The following PDE3A variants were observed in gnomAD, a reference collection of about 807,000 sequenced individuals.
PDE3A encodes phosphodiesterase 3A, also known as cGMP-inhibited 3',5'-cyclic phosphodiesterase 3A.
Under a neutral mutation model 98.3 loss-of-function variants are expected in PDE3A, and 43 were observed. That is an observed-to-expected ratio of 0.44 (90% confidence interval 0.34 to 0.56). The LOEUF is 0.56. Ranked by LOEUF, PDE3A falls within the 20% of genes least tolerant of loss-of-function variation. The pLI is 0.01. For synonymous variants in PDE3A, 663 were observed against 567.9 expected, an observed-to-expected ratio of 1.17 and a Z score of -2.38; for missense variants, 1,427 against 1,440.7, an observed-to-expected ratio of 0.99 and a Z score of 0.15.
At chr12:20,652,214 T>A (rs2121518730) in intron 14 of PDE3A, among the ~76,000 whole-genome samples, 1 of 152,330 alleles carries the variant, frequency 6.6e-6, no homozygotes, top group African/African-American at 2.4e-5. Context: ...TTGTGAATAG[T>A]GCCTCAATAA....
At chr12:20,377,421 A>G (rs1943591767) in intron 1 of PDE3A, among the ~76,000 whole-genome samples, 1 of 151,800 alleles carries the variant, frequency 6.6e-6, no homozygotes, top group Non-Finnish European at 1.5e-5. Flanking sequence ...GTGAGTCTAA[A>G]TATCTTGTGT....
intron 1 of PDE3A, among the ~76,000 whole-genome samples, chr12:20,414,068 G>A (rs76705292): frequency 6.6e-6 from 1 of 152,102 alleles, no homozygotes; most frequent in Admixed American, 6.5e-5. Flanking sequence ...AGAAAAACTG[G>A]CCAAAGAACA....
At chr12:20,599,170 G>A (rs1482159221) in intron 2 of PDE3A, among the ~76,000 whole-genome samples, 1 of 151,986 alleles carries the variant, frequency 6.6e-6, no homozygotes, top group Non-Finnish European at 1.5e-5. Context: ...TCCTTCTTAT[G>A]CAGTCCCCAC....
intron 1 of PDE3A, among the ~76,000 whole-genome samples, chr12:20,493,432 G>C (rs1296482998): frequency 6.6e-6 from 1 of 152,096 alleles, no homozygotes; most frequent in Non-Finnish European, 1.5e-5. Flanking sequence ...AAGTAATCCA[G>C]AGATGATTTA....
chr12:20,485,227 C>A (rs1945705106), intron 1 of PDE3A, among the ~76,000 whole-genome samples: 1 of 152,078 alleles, frequency 6.6e-6, no homozygotes, highest in Non-Finnish European at 1.5e-5. Flanking sequence ...TCTCTCCTAG[C>A]TTTTGGGGAC....
At chr12:20,405,732 G>T (rs1944220687) in intron 1 of PDE3A, among the ~76,000 whole-genome samples, 1 of 152,112 alleles carries the variant, frequency 6.6e-6, no homozygotes, top group African/African-American at 2.4e-5. Flanking sequence ...GTGGAGTTAG[G>T]GGGTGGTGGC....
intron 7 of PDE3A, among the ~76,000 whole-genome samples, chr12:20,634,315 G>A (rs1377500538): frequency 6.6e-6 from 1 of 152,186 alleles, no homozygotes; most frequent in African/African-American, 2.4e-5. Flanking sequence ...GTTGCTCAGA[G>A]AGGATAGACT....
chr12:20,406,963 A>G (rs972270310), intron 1 of PDE3A, among the ~76,000 whole-genome samples: 1 of 152,106 alleles, frequency 6.6e-6, no homozygotes, highest in African/African-American at 2.4e-5. Context: ...TTCTTTCCCC[A>G]TTGTTTATTC....
At chr12:20,577,503 A>G (rs1942963576) in intron 2 of PDE3A, among the ~76,000 whole-genome samples, 1 of 152,162 alleles carries the variant, frequency 6.6e-6, no homozygotes, top group Non-Finnish European at 1.5e-5. Flanking sequence ...TGAACCGCAT[A>G]TTCAGTTTAA....
chr12:20,399,508 A>T (rs1591887734), intron 1 of PDE3A, among the ~76,000 whole-genome samples: 1 of 152,314 alleles, frequency 6.6e-6, no homozygotes, highest in East Asian at 1.9e-4. Context: ...CATTTAGCAC[A>T]TTAAGACTTA....
intron 1 of PDE3A, among the ~76,000 whole-genome samples, chr12:20,390,650 A>T (rs913648849): frequency 5.3e-5 from 8 of 151,710 alleles, no homozygotes. Flanking sequence ...AGGGAAGATG[A>T]TGTGTTTGGT....
chr12:20,474,241 A>T lies in PDE3A; in HGVS notation c.961-82419A>T, dbSNP rs1034117124. Among the ~76,000 whole-genome samples the T allele has an allele frequency of 3.9e-5, 6 of 152,132 alleles. 1 individual carries two copies. The highest frequency in any genetic ancestry group is 3.9e-4 in the Admixed American group (6 of 15,270). ...TTTATATATTTAGGAGTCATTCTTG[A>T]AATGCCTTTGTTTTTGTTCACTTTA... is the stretch of plus-strand genomic sequence containing the variant. On this transcript the variant is annotated intron_variant, in intron 1 of 15. Transcript: ENST00000359062.
intron 1 of PDE3A, among the ~76,000 whole-genome samples, chr12:20,472,051 CTTATGG>C (rs1358020883): frequency 6.6e-6 from 1 of 152,210 alleles, no homozygotes; most frequent in East Asian, 1.9e-4. Context: ...CCTCTTAAGG[CTTATGG>C]TTCCTTGTAA....
intron 1 of PDE3A, among the ~76,000 whole-genome samples, chr12:20,407,166 G>C (rs1488765522): frequency 6.6e-6 from 1 of 152,158 alleles, no homozygotes; most frequent in African/African-American, 2.4e-5. Flanking sequence ...GTGATCTAGA[G>C]AAAGTTACTT....
intron 1 of PDE3A, among the ~76,000 whole-genome samples, chr12:20,403,471 A>G (rs1944171543): frequency 6.6e-6 from 1 of 152,158 alleles, no homozygotes; most frequent in Admixed American, 6.5e-5. Context: ...TGGAGGCCTG[A>G]GGGTGACAGT....
intron 1 of PDE3A, among the ~76,000 whole-genome samples, chr12:20,479,662 G>T (rs1591974422): frequency 1.3e-5 from 2 of 152,290 alleles, no homozygotes; most frequent in East Asian, 1.9e-4. Context: ...TTTATAAAAT[G>T]CTTTCCTGGG....
intron 1 of PDE3A, among the ~76,000 whole-genome samples, chr12:20,508,917 G>A (rs1240984411): frequency 6.6e-6 from 1 of 151,618 alleles, no homozygotes; most frequent in African/African-American, 2.4e-5. Context: ...TATTCTTGGA[G>A]ATGCCATTCT....
At chr12:20,429,399 G>A (rs1285665668) in intron 1 of PDE3A, among the ~76,000 whole-genome samples, 1 of 152,152 alleles carries the variant, frequency 6.6e-6, no homozygotes, top group African/African-American at 2.4e-5. Flanking sequence ...CTGGGAGAGT[G>A]CTGCAGGCTA....
chr12:20,613,738 A>G (rs769043274), intron 3 of PDE3A, 38 bp downstream of exon 3: 7 of 1,521,030 alleles, frequency 4.6e-6, no homozygotes, highest in East Asian at 4.5e-5. Flanking sequence ...GGGTTAAACT[A>G]TTTTTTTTAA....
Sources: allele counts gnomAD v4.1 joint callset (sites outside exome capture counted in the v4.1 genomes callset), GRCh38; gene constraint gnomAD v4.1.1; transcripts MANE v1.5; gene names NCBI Gene and HGNC (gene_info 2026-07-23, HGNC 2026-07-21).